The following NPHP4 variants were observed in gnomAD, a reference collection of about 807,000 sequenced individuals.
The protein encoded by NPHP4 is nephrocystin 4.
In NPHP4, 151 loss-of-function variants were observed where a neutral mutation model predicts 155.8. The ratio of observed to expected loss-of-function variants is 0.97; its 90% CI spans 0.85 to 1.11. The LOEUF is 1.11. NPHP4 is among the 50% of genes least tolerant of loss of function. The pLI is 0.00. For synonymous variants in NPHP4, 845 were observed against 816.8 expected, an observed-to-expected ratio of 1.03 and a Z score of -0.59; for missense variants, 1,956 against 1,925.7, an observed-to-expected ratio of 1.02 and a Z score of -0.29.
At position 5,867,789 on chromosome 1, in the gene NPHP4, G is replaced by C. The variant is rs1180640290; in HGVS notation, c.3423C>G (p.Leu1141=). ...DQVFRFYHPE[L]SFLKKAIRLP... Reference sequence around the variant, plus strand: ...GGCGGATGGCCTTCTTCAGGAAGGAGAGCTCCGGGTGATAGAAGCGGAAGA... The same window carrying C: ...GGCGGATGGCCTTCTTCAGGAAGGACAGCTCCGGGTGATAGAAGCGGAAGA... The change falls in exon 24 of 30, where the codon CTC becomes CTG. Residue 1141 remains leucine (L), a synonymous_variant. Coordinates refer to ENST00000378156, the MANE Select transcript of NPHP4 (RefSeq NM_015102.5). The surrounding 1 kb of genome is among the most constrained non-coding windows in gnomAD (Gnocchi z 4.1). 1 of 1,612,618 alleles carries C rather than the reference G, an allele frequency of 6.2e-7. No homozygotes were observed. Among genetic ancestry groups the C allele is most frequent in the East Asian group, 2.2e-5 (1 of 44,868 alleles).
At position 5,967,334 on chromosome 1, in the gene NPHP4, G is replaced by C. The variant is rs1651708769; in HGVS notation, c.482C>G (p.Ala161Gly). 1 of 1,607,866 alleles carries C rather than the reference G, an allele frequency of 6.2e-7. No homozygotes were observed. The highest frequency in any genetic ancestry group is 1.3e-5 in the African/African-American group (1 of 74,864). ...GTCCTGGAGAAGCGGGTGCAGGAGG[G>C]CTCTGGGGGTGCCATGGTACAGCCG... is the stretch of plus-strand genomic sequence containing the variant. ...RLRLYHGTPR[A>G]LLHPLLQDPA... Residue 161 changes from alanine (A) to glycine (G), a missense_variant, in exon 5 of 30, where the codon GCC becomes GGC. Physicochemically the swap from Ala to Gly is moderately conservative, Grantham distance 60. Transcript: ENST00000378156.
intron 11 of NPHP4, among the ~76,000 whole-genome samples, chr1:5,920,443 C>A (rs1050782778): frequency 1.3e-5 from 2 of 152,204 alleles, no homozygotes; most frequent in African/African-American, 2.4e-5. Context: ...CCTGCCCTGG[C>A]GGCCCCGTGT....
chr1:5,980,336 C>A (rs79335185), intron 2 of NPHP4, among the ~76,000 whole-genome samples: 1 of 152,146 alleles, frequency 6.6e-6, no homozygotes, highest in Non-Finnish European at 1.5e-5. Context: ...GGAAACCAGT[C>A]CCAGGTACAT....
chr1:5,946,165 T>G (rs1459880043), intron 9 of NPHP4, among the ~76,000 whole-genome samples: 1 of 152,220 alleles, frequency 6.6e-6, no homozygotes, highest in Admixed American at 6.5e-5. Flanking sequence ...AGGCCCCCAC[T>G]GGGGTCTTGG....
At chr1:5,879,309 TGACA>T in intron 19 of NPHP4, 1 of 305,274 alleles carries the variant, frequency 3.3e-6, no homozygotes, top group Admixed American at 4.7e-5. Context: ...GTAATTCAAA[TGACA>T]AGTACTTTAT....
chr1:5,867,086 G>A lies in NPHP4; in HGVS notation c.3502C>T (p.Pro1168Ser), dbSNP rs1445077202. The A allele has an allele frequency of 1.2e-6, 2 of 1,612,750 alleles. No individual in the cohort carries two copies. Among genetic ancestry groups the A allele is most frequent in the Non-Finnish European group, 1.7e-6 (2 of 1,179,496 alleles). The change falls in exon 25 of 30, where the codon CCC becomes TCC. Residue 1168 changes from proline to serine, a missense_variant. Coordinates refer to ENST00000378156, the MANE Select transcript of NPHP4 (RefSeq NM_015102.5). The surrounding 1 kb of genome is among the most constrained non-coding windows in gnomAD (Gnocchi z 4.1). ...GAPVGMLGED[P>S]PVHVRCSDPN... is the part of the protein sequence containing the mutation. The stretch of plus-strand genomic sequence containing the variant: ...TCGCTGCAGCGAACATGGACTGGGG[G>A]GTCCTCACCAAGCATTCCCACCGGA...
intron 9 of NPHP4, among the ~76,000 whole-genome samples, chr1:5,941,953 C>T (rs1319867411): frequency 6.6e-6 from 1 of 152,134 alleles, no homozygotes; most frequent in Non-Finnish European, 1.5e-5. Flanking sequence ...CGACGCCAAC[C>T]CAAGGGGGAC....
chr1:5,877,917 G>A (rs993280801), intron 19 of NPHP4, among the ~76,000 whole-genome samples: 1 of 152,236 alleles, frequency 6.6e-6, no homozygotes, highest in Non-Finnish European at 1.5e-5. Flanking sequence ...GTCAAGCACT[G>A]GCAGGCAAAG....
intron 9 of NPHP4, among the ~76,000 whole-genome samples, chr1:5,936,642 A>C (rs1483853985): frequency 6.6e-6 from 1 of 152,250 alleles, no homozygotes; most frequent in African/African-American, 2.4e-5. Context: ...AAGACAAATG[A>C]GGAATACACT....
chr1:5,895,580 G>A (rs189737657), intron 16 of NPHP4, among the ~76,000 whole-genome samples: 2 of 152,226 alleles, frequency 1.3e-5, no homozygotes, highest in East Asian at 1.9e-4. Context: ...AATACCACCC[G>A]TTAACGCCCC....
At chr1:5,983,635 G>C (rs1427319313) in intron 2 of NPHP4, among the ~76,000 whole-genome samples, 1 of 152,112 alleles carries the variant, frequency 6.6e-6, no homozygotes, top group Non-Finnish European at 1.5e-5. Context: ...ATCAACCTTA[G>C]CTGAGAGTAT....
intron 2 of NPHP4, among the ~76,000 whole-genome samples, chr1:5,979,194 T>G (rs10779685): frequency 6.6e-6 from 1 of 152,162 alleles, no homozygotes; most frequent in East Asian, 1.9e-4. Flanking sequence ...ATTCACTTAG[T>G]AAACGTTACT....
At chr1:5,950,743 G>A (rs142546458) in intron 7 of NPHP4, among the ~76,000 whole-genome samples, 56 of 152,214 alleles carry the variant, frequency 3.7e-4, no homozygotes, top group African/African-American at 1.3e-3. Flanking sequence ...CAGCGGACCA[G>A]CCAACTCATT....
intron 4 of NPHP4, 96 bp from the exon 5 acceptor site, chr1:5,967,459 G>A (rs1301700322): frequency 2.1e-6 from 2 of 939,238 alleles, no homozygotes; most frequent in Admixed American, 2.0e-5. Flanking sequence ...GCCCACTAGA[G>A]CTTTCTAAAC....
chr1:5,879,859 A>ACG (rs1312005357), intron 19 of NPHP4, among the ~76,000 whole-genome samples: 1 of 150,254 alleles, frequency 6.7e-6, no homozygotes, highest in South Asian at 2.1e-4. Flanking sequence ...GCACACAGAC[A>ACG]CGCACACACA....
chr1:5,917,908 G>A (rs1221129936), intron 11 of NPHP4, among the ~76,000 whole-genome samples: 1 of 152,170 alleles, frequency 6.6e-6, no homozygotes, highest in Non-Finnish European at 1.5e-5. Context: ...TCCTCCCCAA[G>A]GCCTCCCCTT....
intron 13 of NPHP4, among the ~76,000 whole-genome samples, chr1:5,906,309 C>T (rs1385046593): frequency 6.6e-6 from 1 of 152,252 alleles, no homozygotes; most frequent in Non-Finnish European, 1.5e-5. Context: ...TATTCCACCT[C>T]CACTCCCCTC....
chr1:5,878,969 T>C (rs1642906261), intron 19 of NPHP4, among the ~76,000 whole-genome samples: 1 of 152,214 alleles, frequency 6.6e-6, no homozygotes, highest in Non-Finnish European at 1.5e-5. Flanking sequence ...ACCTGACCTC[T>C]CTTCGTCTCA....
chr1:5,864,145 G>A (rs1026653272), intron 28 of NPHP4, 112 bp from the exon 29 acceptor site: 44 of 1,291,810 alleles, frequency 3.4e-5, no homozygotes, highest in Admixed American at 1.0e-4. Context: ...GACCCCCACA[G>A]AGATAAGACA....
Sources: gnomAD v4.1 joint callset for allele counts (sites outside exome capture counted in the v4.1 genomes callset) on GRCh38, gnomAD v4.1.1 for gene constraint, Gnocchi (gnomAD v3.1) non-coding constraint, MANE v1.5 for transcripts, NCBI Gene and HGNC (gene_info 2026-07-23, HGNC 2026-07-21) for gene names.